Variants in EPC2 observed in about 807,000 individuals in gnomAD.
EPC2 encodes enhancer of polycomb homolog 2.
EPC2 carries 14 observed loss-of-function variants against 92.1 expected under a neutral mutation model. The ratio of observed to expected loss-of-function variants is 0.15; its 90% confidence interval spans 0.10 to 0.24. The LOEUF (loss-of-function observed/expected upper bound fraction) is 0.24, where lower values mean the gene tolerates loss of function less well. EPC2 is among the 10% of genes least tolerant of loss of function. The pLI is 1.00. For synonymous variants in EPC2, 340 were observed against 334.7 expected (o/e 1.02, Z -0.17); for missense variants, 755 against 971.5 (o/e 0.78, Z 2.96).
chr2:148,776,060 T>C (rs890905859), intron 10 of EPC2, among the ~76,000 whole-genome samples: 61 of 152,034 alleles, frequency 4.0e-4, no homozygotes, highest in Middle Eastern at 3.4e-3. Flanking sequence ...GGATTACAGG[T>C]GTGAGCCACC....
chr2:148,775,001 AT>A (rs1683599439), intron 10 of EPC2, among the ~76,000 whole-genome samples: 1 of 151,666 alleles, frequency 6.6e-6, no homozygotes, highest in Admixed American at 6.6e-5. Flanking sequence ...AGGCAGGAGA[AT>A]GGCGTGAACC....
intron 1 of EPC2, among the ~76,000 whole-genome samples, chr2:148,650,834 A>G (rs1287640463): frequency 6.6e-6 from 1 of 152,224 alleles, no homozygotes; most frequent in African/African-American, 2.4e-5. Flanking sequence ...GCCAGGTATT[A>G]TCTAAATGCC....
intron 2 of EPC2, among the ~76,000 whole-genome samples, chr2:148,738,103 G>T (rs1334702756): frequency 6.6e-6 from 1 of 151,990 alleles, no homozygotes; most frequent in East Asian, 1.9e-4. Flanking sequence ...TCTGTTACCC[G>T]TAAAGATTTA....
intron 7 of EPC2, among the ~76,000 whole-genome samples, chr2:148,767,197 CAA>C (rs11364622): frequency 0.043 from 5,304 of 124,264 alleles, 109 homozygotes; most frequent in East Asian, 0.13. Context: ...GACCCTGTTT[CAA>C]AAAAAAAAAA....
intron 7 of EPC2, among the ~76,000 whole-genome samples, chr2:148,765,557 T>C (rs1683390606): frequency 6.6e-6 from 1 of 152,214 alleles, no homozygotes; most frequent in Non-Finnish European, 1.5e-5. Flanking sequence ...GCATTGTGTT[T>C]TATAACTTTT....
intron 10 of EPC2, among the ~76,000 whole-genome samples, chr2:148,776,011 G>C (rs917380362): frequency 2.0e-5 from 3 of 151,844 alleles, no homozygotes; most frequent in Non-Finnish European, 4.4e-5. Flanking sequence ...TCGATCTCCT[G>C]ACCTCGTGAT....
chr2:148,665,098 C>T (rs1167787547), intron 1 of EPC2, among the ~76,000 whole-genome samples: 1 of 152,128 alleles, frequency 6.6e-6, no homozygotes, highest in African/African-American at 2.4e-5. Context: ...CTACGCATTA[C>T]CTGGGAGCTT....
chr2:148,739,833 C>CTTTTTTTTTTTTTTTTTTTTTT (rs144868417), intron 2 of EPC2, among the ~76,000 whole-genome samples: 20 of 81,314 alleles, frequency 2.5e-4, no homozygotes, highest in African/African-American at 8.3e-4. Flanking sequence ...TCTTCTTCTT[C>CTTTTTTTTTTTTTTTTTTTTTT]TTTTTTTTTT....
intron 10 of EPC2, among the ~76,000 whole-genome samples, chr2:148,774,859 A>C (rs942600965): frequency 3.3e-5 from 5 of 151,432 alleles, no homozygotes; most frequent in African/African-American, 1.2e-4. Flanking sequence ...AGGCCGAGGC[A>C]GGCGGATCAC....
intron 10 of EPC2, among the ~76,000 whole-genome samples, chr2:148,779,095 G>A (rs1008223327): frequency 6.6e-6 from 1 of 152,034 alleles, no homozygotes; most frequent in African/African-American, 2.4e-5. Context: ...AGGTTCCTGA[G>A]CAAATTAATG....
At chr2:148,762,340 A>G (rs1683316207) in intron 5 of EPC2, 1 of 201,182 alleles carries the variant, frequency 5.0e-6, no homozygotes, top group Non-Finnish European at 1.0e-5. Context: ...CTAATATAGT[A>G]TATTTTCCTA....
intron 3 of EPC2, among the ~76,000 whole-genome samples, chr2:148,748,233 C>T (rs1473555605): frequency 2.0e-5 from 3 of 152,194 alleles, no homozygotes; most frequent in East Asian, 1.9e-4. Flanking sequence ...GCTTCCCTTT[C>T]GCCTTCTCCC....
intron 10 of EPC2, among the ~76,000 whole-genome samples, chr2:148,771,652 G>T (rs931752628): frequency 6.6e-6 from 1 of 152,126 alleles, no homozygotes; most frequent in African/African-American, 2.4e-5. Flanking sequence ...GCTGCCACCA[G>T]ATCATCACAG....
chr2:148,646,014 T>A (rs573962356), intron 1 of EPC2, among the ~76,000 whole-genome samples: 1 of 152,258 alleles, frequency 6.6e-6, no homozygotes, highest in Non-Finnish European at 1.5e-5. Flanking sequence ...GGAAAATTGC[T>A]GCTTTTCCTC....
chr2:148,729,031 C>CA (rs376309552), intron 2 of EPC2, among the ~76,000 whole-genome samples: 24,074 of 63,282 alleles, frequency 0.38, 8,334 homozygotes, highest in Non-Finnish European at 0.51. Flanking sequence ...AACTCCATCT[C>CA]AAAAAAAAAA....
In EPC2 at chr2:148,786,388, G is replaced by A. The variant is rs375928788; in HGVS notation, c.*11G>A. The A allele has an allele frequency of 5.6e-6, 9 of 1,600,544 alleles. No homozygotes were observed. The highest frequency in any genetic ancestry group is 2.7e-5 in the African/African-American group (2 of 74,746). ...ATGGAAGTGACATAACCTAAAACAC[G>A]TGGCTCTGACCTGTGCTGATGGTGT... is the stretch of plus-strand genomic sequence containing the variant. On this transcript the variant is annotated 3_prime_UTR_variant, in exon 14 of 14. Coordinates refer to ENST00000258484, the MANE Select transcript of EPC2 (RefSeq NM_015630.4).
intron 1 of EPC2, among the ~76,000 whole-genome samples, chr2:148,646,709 A>G (rs954612897): frequency 6.6e-5 from 10 of 152,092 alleles, no homozygotes; most frequent in African/African-American, 2.4e-4. Context: ...AATAAGCACA[A>G]CTTTGGATAT....
chr2:148,784,785 T>G lies in EPC2; in HGVS notation c.2135T>G (p.Leu712Trp), dbSNP rs1683830562. 4.3e-6 allele frequency: 7 copies of G among 1,613,914 alleles called. No individual in the cohort carries two copies. The highest frequency in any genetic ancestry group is 1.7e-5 in the Admixed American group (1 of 60,012). Reference protein sequence around the residue: ...HTTTNHLIPALCTSSPQTLPM... With the variant: ...HTTTNHLIPAWCTSSPQTLPM... ...ACTACAAACCACTTAATCCCAGCAT[T>G]GTGCACAAGCAGTCCTCAGACACTT... The change falls in exon 13 of 14, where the codon TTG (leucine) becomes TGG (tryptophan). Residue 712 changes from leucine (L) to tryptophan (W), a missense_variant. This residue lies in a region of EPC2 where 207 missense variants were observed against 260.5 expected (regional missense o/e 0.79). Transcript: ENST00000258484.
chr2:148,778,982 C>T (rs766900165), intron 10 of EPC2, among the ~76,000 whole-genome samples: 42 of 152,026 alleles, frequency 2.8e-4, no homozygotes, highest in Non-Finnish European at 2.5e-4. Flanking sequence ...TATCAAAATC[C>T]ACCTAGGTTT....
Sources: allele counts gnomAD v4.1 joint callset (sites outside exome capture counted in the v4.1 genomes callset), GRCh38; gene constraint gnomAD v4.1.1; regional missense constraint gnomAD v4.1.1; transcripts MANE v1.5; gene names NCBI Gene and HGNC (gene_info 2026-07-23, HGNC 2026-07-21).